The following CAMSAP2 variants were observed in gnomAD, a reference collection of about 807,000 sequenced individuals.
CAMSAP2 encodes the protein calmodulin regulated spectrin associated protein family member 2.
Under a neutral mutation model 146.1 loss-of-function variants are expected in CAMSAP2, and 26 were observed. The ratio of observed to expected loss-of-function variants is 0.18; its 90% CI spans 0.13 to 0.25. The LOEUF is 0.25. CAMSAP2 is among the 10% of genes least tolerant of loss of function. The pLI, the probability that CAMSAP2 is intolerant of heterozygous loss-of-function variation, is 1.00. For synonymous variants in CAMSAP2, 499 were observed against 596.6 expected, an observed-to-expected ratio of 0.84 and a Z score of 2.38; for missense variants, 1,381 against 1,759.3, an observed-to-expected ratio of 0.78 and a Z score of 3.85.
At chr1:200,769,374 G>T (rs182678672) in intron 2 of CAMSAP2, among the ~76,000 whole-genome samples, 1 of 152,298 alleles carries the variant, frequency 6.6e-6, no homozygotes, top group Admixed American at 6.5e-5. Flanking sequence ...AAAAAGAGTT[G>T]AAAAGAGTTT....
At chr1:200,775,765 A>G (rs1558171879) in intron 2 of CAMSAP2, among the ~76,000 whole-genome samples, 4 of 152,156 alleles carry the variant, frequency 2.6e-5, no homozygotes. Flanking sequence ...TCCTGACCTC[A>G]GGTGATCCAC....
Position 200,853,202 on chromosome 1 carries a change from A to G in CAMSAP2, c.3603-73A>G. 7.7e-7 allele frequency: 1 copy of G among 1,300,800 alleles called. No homozygotes were observed. The highest frequency in any genetic ancestry group is 2.1e-5 in the Admixed American group (1 of 48,056). The allele number at this position is 1,300,800 out of a possible 1,614,324, so 80.6% of individuals were successfully genotyped here. The stretch of plus-strand genomic sequence containing the variant: ...AAATAGAATTCTCCTTTCTCATATC[A>G]AATACATAACTCTCTCCTGTATGGT... On this transcript the variant is annotated intron_variant, in intron 12 of 16. Coordinates refer to ENST00000358823, the MANE Select transcript of CAMSAP2 (RefSeq NM_203459.4). This position sits in a 1 kb window ranked among gnomAD's most constrained non-coding sequence, Gnocchi z 5.1.
intron 1 of CAMSAP2, among the ~76,000 whole-genome samples, chr1:200,755,059 G>T (rs1012146951): frequency 1.3e-5 from 2 of 152,100 alleles, no homozygotes; most frequent in African/African-American, 4.8e-5. Context: ...TCCATTATTT[G>T]TTAGCATTTC....
At chr1:200,803,532 T>A (rs1666089370) in intron 2 of CAMSAP2, among the ~76,000 whole-genome samples, 2 of 152,172 alleles carry the variant, frequency 1.3e-5, no homozygotes, top group African/African-American at 4.8e-5. Flanking sequence ...TATTTTTTAA[T>A]GTTGATCTTT....
chr1:200,820,529 A>T (rs1289889657), intron 4 of CAMSAP2, among the ~76,000 whole-genome samples: 1 of 152,202 alleles, frequency 6.6e-6, no homozygotes, highest in Non-Finnish European at 1.5e-5. Context: ...GTGTATCTCA[A>T]TATAGACTAC....
chr1:200,765,909 T>G (rs898283504), intron 2 of CAMSAP2, among the ~76,000 whole-genome samples: 2 of 152,162 alleles, frequency 1.3e-5, no homozygotes, highest in African/African-American at 4.8e-5. Context: ...AATTTAGAGC[T>G]AGATCATGAA....
chr1:200,751,249 A>G (rs927080501), intron 1 of CAMSAP2, among the ~76,000 whole-genome samples: 3 of 151,356 alleles, frequency 2.0e-5, no homozygotes, highest in African/African-American at 7.3e-5. Context: ...TATATAGGAT[A>G]TAAATAAATA....
In CAMSAP2 at chr1:200,853,555, A is replaced by T; in HGVS notation, c.3823+60A>T. On this transcript the variant is annotated intron_variant, in intron 13 of 16. Coordinates refer to ENST00000358823, the MANE Select transcript of CAMSAP2 (RefSeq NM_203459.4). This position sits in a 1 kb window ranked among gnomAD's most constrained non-coding sequence, Gnocchi z 5.1. ...AAAACACCAGCTTGATTGGTTTGTC[A>T]TACTAACTTGGTTGTACTTTGATGT... 7.5e-7 allele frequency: 1 copy of T among 1,341,472 alleles called. No individual in the cohort carries two copies. Among genetic ancestry groups the T allele is most frequent in the Non-Finnish European group, 1.1e-6 (1 of 951,612 alleles). 83.1% of individuals were successfully genotyped at this position (1,341,472 alleles called of 1,614,324 possible).
intron 4 of CAMSAP2, among the ~76,000 whole-genome samples, chr1:200,818,142 A>G (rs529183757): frequency 6.6e-6 from 1 of 152,300 alleles, no homozygotes. Context: ...AAATTTCTCT[A>G]TAGAAATCTT....
At chr1:200,788,339 T>C (rs1295162873) in intron 2 of CAMSAP2, among the ~76,000 whole-genome samples, 3 of 152,240 alleles carry the variant, frequency 2.0e-5, no homozygotes, top group African/African-American at 2.4e-5. Context: ...GCTTACATAA[T>C]CATCTGTGTT....
intron 2 of CAMSAP2, among the ~76,000 whole-genome samples, chr1:200,761,735 CAAAA>C (rs34309759): frequency 9.7e-6 from 1 of 102,748 alleles, no homozygotes; most frequent in Admixed American, 9.4e-5. Flanking sequence ...AACTCTGTCT[CAAAA>C]AAAAAAAAAA....
chr1:200,781,706 A>G (rs1482304873), intron 2 of CAMSAP2, among the ~76,000 whole-genome samples: 1 of 151,604 alleles, frequency 6.6e-6, no homozygotes, highest in Non-Finnish European at 1.5e-5. Context: ...ATACCCGGCT[A>G]ATTTTTTTTG....
At chr1:200,740,218 T>TCCC (rs1664122345) in intron 1 of CAMSAP2, among the ~76,000 whole-genome samples, 1 of 151,480 alleles carries the variant, frequency 6.6e-6, no homozygotes, top group Non-Finnish European at 1.5e-5. Context: ...GTCCCCCCCA[T>TCCC]CCCCCAGTGA....
Position 200,849,054 on chromosome 1 carries a change from G to A in CAMSAP2, c.2285G>A (p.Arg762His), listed in dbSNP as rs1412927057. 15 of 1,613,916 alleles carry A rather than the reference G, an allele frequency of 9.3e-6. No individual in the cohort carries two copies. Among genetic ancestry groups the A allele is most frequent in the South Asian group, 4.4e-5 (4 of 91,088 alleles). Residue 762 changes from arginine (R) to histidine (H), a missense_variant, in exon 11 of 17, where the codon CGT becomes CAT. This residue lies in a region of CAMSAP2 where 560 missense variants were observed against 715.9 expected (regional missense o/e 0.78). Coordinates refer to ENST00000358823, the MANE Select transcript of CAMSAP2 (RefSeq NM_203459.4). The surrounding 1 kb of genome is among the most constrained non-coding windows in gnomAD (Gnocchi z 6.3). ...AGGATGAAACTAGAAGAAAAGAGGCGTGCTATAGAAGCCCAGAAAAAGAAA... is the reference window on the plus strand; with the variant it reads ...AGGATGAAACTAGAAGAAAAGAGGCATGCTATAGAAGCCCAGAAAAAGAAA... ...HLRMKLEEKR[R>H]AIEAQKKKME...
intron 4 of CAMSAP2, among the ~76,000 whole-genome samples, chr1:200,827,265 G>A (rs1666929049): frequency 6.6e-6 from 1 of 152,134 alleles, no homozygotes; most frequent in African/African-American, 2.4e-5. Context: ...CAAGAAATAT[G>A]GAATAACTTT....
intron 2 of CAMSAP2, among the ~76,000 whole-genome samples, chr1:200,771,671 A>G (rs1039327488): frequency 9.9e-5 from 15 of 152,150 alleles, no homozygotes; most frequent in African/African-American, 3.6e-4. Context: ...TCTCAGGATT[A>G]AGAAATCAGA....
chr1:200,832,376 A>G lies in CAMSAP2; in HGVS notation c.787+35A>G. ...CCATTGTAATACTTCTGAACTGTAG[A>G]CAGATAGTAACCAATATTTAAGACA... On this transcript the variant is annotated intron_variant, in intron 5 of 16. Transcript: ENST00000358823. This position sits in a 1 kb window ranked among gnomAD's most constrained non-coding sequence, Gnocchi z 4.2. 6.4e-7 allele frequency: 1 copy of G among 1,570,398 alleles called. No individual in the cohort carries two copies. The highest frequency in any genetic ancestry group is 1.2e-5 in the South Asian group (1 of 83,314).
rs763600708 is a variant in CAMSAP2 at position 200,848,625 on chromosome 1, T to A, written c.1856T>A (p.Ile619Asn). ...DTGIHVPSED[I>N]PETMDEDSSL... ...GGAATTCACGTTCCTTCAGAAGATA[T>A]TCCTGAAACTATGGACGAAGATTCT... The change falls in exon 11 of 17, where the codon ATT (isoleucine) becomes AAT (asparagine). Residue 619 changes from isoleucine to asparagine, a missense_variant. Around this residue, in one of 4 missense-constraint regions of CAMSAP2, gnomAD observed 447 missense variants for 462.2 expected, o/e 0.97. Coordinates refer to ENST00000358823, the MANE Select transcript of CAMSAP2 (RefSeq NM_203459.4). The A allele has an allele frequency of 6.2e-7, 1 of 1,613,994 alleles. No individual in the cohort carries two copies. Among genetic ancestry groups the A allele is most frequent in the African/African-American group, 1.3e-5 (1 of 74,932 alleles).
intron 4 of CAMSAP2, among the ~76,000 whole-genome samples, chr1:200,816,594 C>CA (rs1316338918): frequency 0.012 from 1,086 of 92,780 alleles, 33 homozygotes; most frequent in East Asian, 0.022. Flanking sequence ...AACTTCATCT[C>CA]AAAAAAAAAA....
Sources: allele counts gnomAD v4.1 joint callset (sites outside exome capture counted in the v4.1 genomes callset), GRCh38; gene constraint gnomAD v4.1.1; regional missense constraint gnomAD v4.1.1; non-coding constraint Gnocchi (gnomAD v3.1); transcripts MANE v1.5; gene names NCBI Gene and HGNC (gene_info 2026-07-23, HGNC 2026-07-21).